The following KCNQ5 variants were observed in gnomAD, a reference collection of about 807,000 sequenced individuals.
The protein encoded by KCNQ5 is potassium voltage-gated channel subfamily Q member 5, also known as potassium voltage-gated channel subfamily KQT member 5.
KCNQ5 carries 30 observed loss-of-function variants against 98.2 expected under a neutral mutation model. The ratio of observed to expected loss-of-function variants is 0.31; its 90% CI spans 0.23 to 0.41. KCNQ5 has a LOEUF of 0.41. Among genes scored for constraint, KCNQ5 ranks in the 10% least tolerant of loss-of-function variants. KCNQ5 has a pLI of 1.00. For synonymous variants in KCNQ5, 458 were observed against 449.4 expected (o/e 1.02, Z -0.24); for missense variants, 835 against 1,182.5 (o/e 0.71, Z 4.31).
rs1245708170 is a variant in KCNQ5, at chr6:72,622,232, G to T, written c.43G>T (p.Gly15Trp). ...GGGAGGAGAGGAGGGCGGCGCCGCC[G>T]GGCTCTGGGTGAAGAGCGGCGCAGC... The part of the protein sequence containing the change: ...HAGGEEGGAA[G>W]LWVKSGAAAA... Residue 15 changes from glycine (G) to tryptophan (W), a missense_variant, in exon 1 of 14, where the codon GGG (glycine) becomes TGG (tryptophan). Physicochemically the swap from Gly to Trp is radical, Grantham distance 184 (BLOSUM62 -2). Around this residue, in one of 10 missense-constraint regions of KCNQ5, gnomAD observed 80 missense variants for 72.3 expected, o/e 1.11. Coordinates refer to ENST00000370398, the MANE Select transcript of KCNQ5 (RefSeq NM_019842.4). The surrounding 1 kb of genome is among the most constrained non-coding windows in gnomAD (Gnocchi z 6.0). 2.4e-6 allele frequency: 3 copies of T among 1,237,056 alleles called. No individual in the cohort carries two copies. Among genetic ancestry groups the T allele is most frequent in the Non-Finnish European group, 3.0e-6 (3 of 991,896 alleles). 76.6% of individuals were successfully genotyped at this position (1,237,056 alleles called of 1,614,324 possible). A position where few individuals can be genotyped will look rare whatever the true frequency, so the allele number is the denominator to read the frequency against.
In KCNQ5 at chr6:72,888,890, C is replaced by T. The variant is rs944462844; in HGVS notation, c.399-115018C>T. Among the ~76,000 whole-genome samples, 8 of 151,986 alleles carry T rather than the reference C, an allele frequency of 5.3e-5. No individual in the cohort carries two copies. In the East Asian group the frequency reaches 1.3e-3, roughly 26 times the overall value. On this transcript the variant is annotated intron_variant, in intron 1 of 13. Coordinates refer to ENST00000370398, the MANE Select transcript of KCNQ5 (RefSeq NM_019842.4). Reference sequence around the variant, plus strand: ...TATAGGCACTGGGGATACAGCAGTGCGCAGAAGAAAAAATTCCCTATCTTC... The same window carrying T: ...TATAGGCACTGGGGATACAGCAGTGTGCAGAAGAAAAAATTCCCTATCTTC...
intron 1 of KCNQ5, among the ~76,000 whole-genome samples, chr6:72,939,973 C>T (rs771527340): frequency 6.6e-6 from 1 of 152,142 alleles, no homozygotes; most frequent in Non-Finnish European, 1.5e-5. Context: ...ACATAAAAAA[C>T]GTTTATTCTC....
intron 1 of KCNQ5, among the ~76,000 whole-genome samples, chr6:72,699,722 T>TTTAG (rs1768697252): frequency 6.6e-6 from 1 of 152,190 alleles, no homozygotes; most frequent in Non-Finnish European, 1.5e-5. Flanking sequence ...AGCCACTTAG[T>TTTAG]TTAGTTCATG....
intron 3 of KCNQ5, among the ~76,000 whole-genome samples, chr6:73,058,207 T>C (rs1268050442): frequency 6.6e-6 from 1 of 152,048 alleles, no homozygotes. Flanking sequence ...GGTCAGGAGA[T>C]CGAGACCATC....
chr6:72,810,559 A>T (rs901499018), intron 1 of KCNQ5, among the ~76,000 whole-genome samples: 2 of 152,218 alleles, frequency 1.3e-5, no homozygotes, highest in Non-Finnish European at 2.9e-5. Context: ...TTAGCAGGGA[A>T]ACTTTCTATT....
intron 1 of KCNQ5, among the ~76,000 whole-genome samples, chr6:72,981,245 C>G (rs1441493167): frequency 2.0e-5 from 3 of 152,154 alleles, no homozygotes; most frequent in Non-Finnish European, 2.9e-5. Context: ...ACCAGCTCCT[C>G]TTTGTACCGC....
intron 5 of KCNQ5, among the ~76,000 whole-genome samples, chr6:73,103,606 C>T (rs1774884699): frequency 6.6e-6 from 1 of 152,104 alleles, no homozygotes; most frequent in South Asian, 2.1e-4. Flanking sequence ...GCACATTGTG[C>T]ACATGTACCC....
At chr6:73,001,171 C>A (rs796408221) in intron 1 of KCNQ5, among the ~76,000 whole-genome samples, 4 of 152,266 alleles carry the variant, frequency 2.6e-5, no homozygotes, top group African/African-American at 9.6e-5. Flanking sequence ...TGTGCTCCCA[C>A]CTTTCCCAAC....
In KCNQ5 at chr6:72,887,741, G is replaced by C. The variant is rs9442865; in HGVS notation, c.399-116167G>C. Among the ~76,000 whole-genome samples the C allele has an allele frequency of 5.4e-3, 819 of 152,108 alleles. 8 individuals carry two copies. Among genetic ancestry groups the C allele is most frequent in the African/African-American group, 0.019 (787 of 41,494 alleles). ...TTATGTATGCATATTAGGAATTAGA[G>C]TAAGCACTAAAATTATAGAGTCCAA... On this transcript the variant is annotated intron_variant, in intron 1 of 13. Coordinates refer to ENST00000370398, the MANE Select transcript of KCNQ5 (RefSeq NM_019842.4).
intron 1 of KCNQ5, among the ~76,000 whole-genome samples, chr6:72,790,715 C>A (rs1322882173): frequency 6.6e-6 from 1 of 151,924 alleles, no homozygotes; most frequent in Non-Finnish European, 1.5e-5. Context: ...GGATGGATAT[C>A]CCCTAAATAA....
intron 1 of KCNQ5, among the ~76,000 whole-genome samples, chr6:72,821,559 C>T (rs1019757282): frequency 1.3e-5 from 2 of 151,480 alleles, no homozygotes; most frequent in Non-Finnish European, 2.9e-5. Flanking sequence ...CTCTCTCCTT[C>T]TGAATAGTAT....
intron 1 of KCNQ5, among the ~76,000 whole-genome samples, chr6:72,705,005 C>T (rs1024138633): frequency 2.0e-5 from 3 of 152,040 alleles, no homozygotes; most frequent in East Asian, 1.9e-4. Context: ...GTCTTTGCTC[C>T]GAATAAACTG....
intron 1 of KCNQ5, among the ~76,000 whole-genome samples, chr6:72,726,624 G>T (rs1213751248): frequency 6.6e-6 from 1 of 152,162 alleles, no homozygotes; most frequent in Non-Finnish European, 1.5e-5. Flanking sequence ...AAAGGTGACT[G>T]CCAGTGCAGG....
At chr6:72,964,932 G>T (rs1020924109) in intron 1 of KCNQ5, among the ~76,000 whole-genome samples, 6 of 124,984 alleles carry the variant, frequency 4.8e-5, no homozygotes, top group African/African-American at 1.5e-4. Flanking sequence ...TCACATTTTC[G>T]TGCTTTTTTT....
intron 1 of KCNQ5, among the ~76,000 whole-genome samples, chr6:72,767,771 A>G (rs1772652729): frequency 6.6e-6 from 1 of 152,082 alleles, no homozygotes; most frequent in Non-Finnish European, 1.5e-5. Context: ...AATGCAAAAC[A>G]AAAGCACAAT....
chr6:72,990,289 G>A (rs1769028094), intron 1 of KCNQ5, among the ~76,000 whole-genome samples: 1 of 79,278 alleles, frequency 1.3e-5, no homozygotes, highest in Non-Finnish European at 2.5e-5. Context: ...CTACCCATGA[G>A]CATGGAATGT....
At chr6:72,941,666 C>CTCTTTCTT (rs11266961) in intron 1 of KCNQ5, among the ~76,000 whole-genome samples, 3 of 83,038 alleles carry the variant, frequency 3.6e-5, no homozygotes, top group African/African-American at 1.5e-4. Flanking sequence ...CCCTCCCCAT[C>CTCTTTCTT]TCTTTCTTTC....
At chr6:73,111,989 A>G (rs1775260369) in intron 7 of KCNQ5, among the ~76,000 whole-genome samples, 1 of 152,200 alleles carries the variant, frequency 6.6e-6, no homozygotes, top group Non-Finnish European at 1.5e-5. Context: ...GCTAGCTCCT[A>G]ATACATAGGT....
intron 1 of KCNQ5, among the ~76,000 whole-genome samples, chr6:72,837,335 C>T (rs887653277): frequency 2.0e-5 from 3 of 152,130 alleles, no homozygotes; most frequent in African/African-American, 7.2e-5. Flanking sequence ...AATATTATTC[C>T]TACTTAAAAT....
Sources: allele counts gnomAD v4.1 joint callset (sites outside exome capture counted in the v4.1 genomes callset), GRCh38; gene constraint gnomAD v4.1.1; regional missense constraint gnomAD v4.1.1; non-coding constraint Gnocchi (gnomAD v3.1); transcripts MANE v1.5; gene names NCBI Gene and HGNC (gene_info 2026-07-23, HGNC 2026-07-21).